SREBF2: variants seen among roughly 807,000 people sequenced by gnomAD.
SREBF2 encodes sterol regulatory element binding transcription factor 2, also known as sterol regulatory element-binding protein 2.
SREBF2 carries 55 observed loss-of-function variants against 113.1 expected under a neutral mutation model. The observed-to-expected ratio is 0.49, with a 90% CI of 0.39 to 0.61. SREBF2 has a LOEUF of 0.61. Ranked by LOEUF, SREBF2 falls within the 20% of genes least tolerant of loss-of-function variation. SREBF2 has a pLI of 0.00. For missense variants in SREBF2, 1,349 were observed against 1,487.4 expected (o/e 0.91, Z 1.53); for synonymous variants, 593 against 605.7 (o/e 0.98, Z 0.31).
At chr22:41,845,189 A>G (rs2076866204) in intron 1 of SREBF2, among the ~76,000 whole-genome samples, 1 of 152,028 alleles carries the variant, frequency 6.6e-6, no homozygotes, top group Non-Finnish European at 1.5e-5. Flanking sequence ...TTGGCCTCCC[A>G]AAGTGCTGCG....
chr22:41,866,403 A>G (rs2077075095), intron 1 of SREBF2, among the ~76,000 whole-genome samples: 1 of 152,198 alleles, frequency 6.6e-6, no homozygotes, highest in South Asian at 2.1e-4. Flanking sequence ...TACAAAAATT[A>G]GCCGGGCATG....
intron 16 of SREBF2, among the ~76,000 whole-genome samples, 188 bp from the exon 17 acceptor site, chr22:41,902,782 A>G (rs2077475518): frequency 6.6e-6 from 1 of 152,142 alleles, no homozygotes; most frequent in Non-Finnish European, 1.5e-5. Flanking sequence ...TCCTGGGGCC[A>G]TGGAAGGAAC....
At position 41,901,181 on chromosome 22, in the gene SREBF2, A is replaced by G. The variant is rs188516381; in HGVS notation, c.2907+683A>G. Reference sequence around the variant, plus strand: ...GAGCATCACCTGGTCTACGGGGAACATGTCCTTAGCTCCAGAGTGGGAGGG... The same window carrying G: ...GAGCATCACCTGGTCTACGGGGAACGTGTCCTTAGCTCCAGAGTGGGAGGG... On this transcript the variant is annotated intron_variant, in intron 16 of 18. Transcript: ENST00000361204. Among the ~76,000 whole-genome samples, 431 of 152,270 alleles carry G rather than the reference A, an allele frequency of 2.8e-3. 2 individuals are homozygous for G. Among genetic ancestry groups the G allele is most frequent in the African/African-American group, 8.7e-3 (363 of 41,538 alleles).
At chr22:41,901,161 TC>T in intron 16 of SREBF2, 1 of 358,608 alleles carries the variant, frequency 2.8e-6, no homozygotes, top group Non-Finnish European at 5.6e-6. Flanking sequence ...AAGTGGAGCA[TC>T]ACCTGGTCTA....
chr22:41,883,540 C>G (rs2077270123), intron 10 of SREBF2, among the ~76,000 whole-genome samples: 1 of 152,234 alleles, frequency 6.6e-6, no homozygotes, highest in Non-Finnish European at 1.5e-5. Flanking sequence ...CTGCCAAATT[C>G]TGGAGAATTC....
chr22:41,870,628 C>CAAAAAAA (rs133289), intron 3 of SREBF2, among the ~76,000 whole-genome samples: 1 of 56,164 alleles, frequency 1.8e-5, no homozygotes, highest in Non-Finnish European at 3.3e-5. Flanking sequence ...CCTGTCTCAG[C>CAAAAAAA]AAAAAAAAAA....
intron 11 of SREBF2, chr22:41,885,760 G>A (rs141019376): frequency 1.3e-5 from 2 of 153,832 alleles, no homozygotes; most frequent in African/African-American, 2.4e-5. Flanking sequence ...CATCAGGTAT[G>A]TTCAAGCATT....
chr22:41,885,907 G>A (rs1470443546), intron 11 of SREBF2: 1 of 152,224 alleles, frequency 6.6e-6, no homozygotes, highest in African/African-American at 2.4e-5. Context: ...GCGCAGGGAA[G>A]CCCAGTGTAC....
Position 41,839,982 on chromosome 22 carries a change from C to T in SREBF2, c.88+6624C>T, listed in dbSNP as rs534211176. ...TTTTTTTTTTTTTTTTTTTTTGAGA[C>T]GGAGTCTCACTCTGTCGCCCAGGCT... On this transcript the variant is annotated intron_variant, in intron 1 of 18. Transcript: ENST00000361204. Among the ~76,000 whole-genome samples, 109 of 115,368 alleles carry T rather than the reference C, an allele frequency of 9.4e-4. 1 individual carries two copies. Among genetic ancestry groups the T allele is most frequent in the Middle Eastern group, 0.017 (2 of 120 alleles). 75.7% of individuals were successfully genotyped at this position (115,368 alleles called of 152,430 possible). A position where few individuals can be genotyped will look rare whatever the true frequency, so the allele number is the denominator to read the frequency against.
chr22:41,868,678 G>C lies in SREBF2; in HGVS notation c.606G>C (p.Gln202His), dbSNP rs1314161721. The change falls in exon 3 of 19, where the codon CAG becomes CAC. Residue 202 changes from glutamine (Q) to histidine (H), a missense_variant. Transcript: ENST00000361204. ...SQVQPVTIQQ[Q>H]VQTVQAQRVL... ...TACAGCCGGTCACCATTCAGCAGCAGGTGCAGACAGTACAGGCCCAGCGGG... is the reference window on the plus strand; with the variant it reads ...TACAGCCGGTCACCATTCAGCAGCACGTGCAGACAGTACAGGCCCAGCGGG... 1.2e-6 allele frequency: 2 copies of C among 1,614,104 alleles called. No homozygotes were observed. Among genetic ancestry groups the C allele is most frequent in the East Asian group, 4.5e-5 (2 of 44,904 alleles).
intron 1 of SREBF2, among the ~76,000 whole-genome samples, chr22:41,853,772 A>G (rs2076952668): frequency 6.6e-6 from 1 of 152,172 alleles, no homozygotes; most frequent in Non-Finnish European, 1.5e-5. Context: ...GCAGTGGCTC[A>G]CGCCTGTAAT....
intron 11 of SREBF2, chr22:41,886,380 A>C (rs1333807513): frequency 6.6e-6 from 1 of 152,244 alleles, no homozygotes; most frequent in Admixed American, 6.5e-5. Flanking sequence ...GGCTGACAGC[A>C]GGAGGCATTG....
intron 9 of SREBF2, among the ~76,000 whole-genome samples, chr22:41,879,058 C>T (rs2148394375): frequency 6.6e-6 from 1 of 152,250 alleles, no homozygotes; most frequent in African/African-American, 2.4e-5. Context: ...GACAAGGTCT[C>T]ACTGTGTTGC....
rs1825248821 is a variant in SREBF2 at position 41,906,083 on chromosome 22, C to A, written c.*423C>A. On this transcript the variant is annotated 3_prime_UTR_variant, in exon 19 of 19. Coordinates refer to ENST00000361204, the MANE Select transcript of SREBF2 (RefSeq NM_004599.4). ...CAGTTGCCCTCAGGCCTGTGCCCAG[C>A]ATGCCCTCCCCTTTTTATACGAATG... The A allele has an allele frequency of 4.5e-6, 2 of 448,258 alleles. No individual in the cohort carries two copies. Among genetic ancestry groups the A allele is most frequent in the South Asian group, 1.6e-5 (1 of 62,572 alleles). The allele number at this position is 448,258 out of a possible 1,614,324, so 27.8% of individuals were successfully genotyped here.
At chr22:41,903,189 T>C (rs2077479771) in intron 17 of SREBF2, 34 bp downstream of exon 17, 3 of 1,544,538 alleles carry the variant, frequency 1.9e-6, no homozygotes, top group South Asian at 2.4e-5. Flanking sequence ...GCAGGGCAGA[T>C]TGGAGCCTGT....
At chr22:41,905,049 C>T (rs1199080994) in intron 18 of SREBF2, 75 bp downstream of exon 18, 3 of 1,326,736 alleles carry the variant, frequency 2.3e-6, no homozygotes, top group South Asian at 1.3e-5. Context: ...GAGGGGCCAG[C>T]CCAGCTCCCA....
chr22:41,873,660 A>T, intron 4 of SREBF2, 138 bp from the exon 5 acceptor site: 1 of 851,794 alleles, frequency 1.2e-6, no homozygotes, highest in Non-Finnish European at 1.9e-6. Flanking sequence ...TGATTTGATT[A>T]ACCCAGGAAG....
intron 15 of SREBF2, 153 bp downstream of exon 15, chr22:41,898,934 A>G: frequency 8.9e-7 from 1 of 1,120,268 alleles, no homozygotes; most frequent in East Asian, 2.6e-5. Flanking sequence ...TGAGGGCACC[A>G]TGGAGAACTC....
intron 5 of SREBF2, among the ~76,000 whole-genome samples, chr22:41,874,840 G>A (rs56746717): frequency 0.1 from 15,677 of 152,242 alleles, 852 homozygotes; most frequent in East Asian, 0.15. Flanking sequence ...CTGGGAGGCA[G>A]AGGTTGCAGT....
Sources: gnomAD v4.1 joint callset for allele counts (sites outside exome capture counted in the v4.1 genomes callset) on GRCh38, gnomAD v4.1.1 for gene constraint, MANE v1.5 for transcripts, NCBI Gene and HGNC (gene_info 2026-07-23, HGNC 2026-07-21) for gene names.